CCNY: variants seen among roughly 807,000 people sequenced by gnomAD.
CCNY encodes cyclin Y.
A neutral mutation model predicts 42.8 loss-of-function variants in CCNY; 19 were observed. The ratio of observed to expected loss-of-function variants is 0.44; its 90% CI spans 0.31 to 0.65. The LOEUF is 0.65. CCNY is among the 30% of genes least tolerant of loss of function. The probability of loss-of-function intolerance (pLI) is 0.07; values close to 1 mark genes in which losing one functional copy is unlikely to be tolerated. For missense variants in CCNY, 370 were observed against 437.3 expected (o/e 0.85, Z 1.37); for synonymous variants, 165 against 162.7 (o/e 1.01, Z -0.11).
At chr10:35,282,114 C>CTTTTT (rs3066487) in intron 3 of CCNY, among the ~76,000 whole-genome samples, 3 of 87,882 alleles carry the variant, frequency 3.4e-5, no homozygotes, top group Non-Finnish European at 4.0e-5. Context: ...CATCTACACC[C>CTTTTT]TTTTTTTTTT....
chr10:35,545,163 T>A (rs1841086347), intron 7 of CCNY, among the ~76,000 whole-genome samples: 1 of 152,190 alleles, frequency 6.6e-6, no homozygotes, highest in South Asian at 2.1e-4. Flanking sequence ...CTGAGATTTT[T>A]AAAAGAAATC....
At chr10:35,557,112 A>T (rs897699798) in intron 8 of CCNY, among the ~76,000 whole-genome samples, 1 of 152,008 alleles carries the variant, frequency 6.6e-6, no homozygotes, top group Non-Finnish European at 1.5e-5. Context: ...TTAATTTGAA[A>T]ATTTTTATCC....
At chr10:35,299,629 T>G (rs1403320350) in intron 3 of CCNY, among the ~76,000 whole-genome samples, 1 of 152,216 alleles carries the variant, frequency 6.6e-6, no homozygotes, top group Admixed American at 6.5e-5. Context: ...TCCTTTTACT[T>G]TTAACATTCT....
At chr10:35,553,879 G>A (rs1188420756) in intron 8 of CCNY, among the ~76,000 whole-genome samples, 1 of 152,164 alleles carries the variant, frequency 6.6e-6, no homozygotes, top group Non-Finnish European at 1.5e-5. Flanking sequence ...TGTCTGGGGG[G>A]TCTCTAGGGA....
At chr10:35,447,866 A>T (rs908108098) in intron 1 of CCNY, among the ~76,000 whole-genome samples, 1 of 152,246 alleles carries the variant, frequency 6.6e-6, no homozygotes, top group African/African-American at 2.4e-5. Context: ...AAGGCATAAC[A>T]GGCAGGAAAA....
At chr10:35,247,875 C>CAAAAAAAAAAAAAA (rs56166117) in intron 1 of CCNY, among the ~76,000 whole-genome samples, 3 of 58,132 alleles carry the variant, frequency 5.2e-5, no homozygotes, top group African/African-American at 1.1e-4. Context: ...GACTCCATCT[C>CAAAAAAAAAAAAAA]AAAAAAAAAA....
At chr10:35,311,299 C>T (rs1331067788) in intron 3 of CCNY, among the ~76,000 whole-genome samples, 1 of 151,820 alleles carries the variant, frequency 6.6e-6, no homozygotes, top group Non-Finnish European at 1.5e-5. Flanking sequence ...GCCTGGGCCA[C>T]AGAGCAAGAC....
At chr10:35,255,114 TATGTCTAATAGACAG>T (rs1694660285) in intron 3 of CCNY, among the ~76,000 whole-genome samples, 1 of 62,776 alleles carries the variant, frequency 1.6e-5, no homozygotes. Flanking sequence ...TATAACTGTA[TATGTCTAATAGACAG>T]ACAGTTGGTT....
At chr10:35,302,010 C>T (rs1835542817) in intron 3 of CCNY, among the ~76,000 whole-genome samples, 1 of 151,822 alleles carries the variant, frequency 6.6e-6, no homozygotes, top group Non-Finnish European at 1.5e-5. Flanking sequence ...ATCGTCCAGG[C>T]TGGAGTGCAA....
intron 2 of CCNY, among the ~76,000 whole-genome samples, chr10:35,488,673 C>T (rs1292026823): frequency 6.6e-6 from 1 of 152,180 alleles, no homozygotes; most frequent in African/African-American, 2.4e-5. Context: ...AGCATTTTTA[C>T]GTTGACCTTA....
At chr10:35,514,526 A>C (rs1840390325) in intron 3 of CCNY, among the ~76,000 whole-genome samples, 1 of 152,138 alleles carries the variant, frequency 6.6e-6, no homozygotes, top group African/African-American at 2.4e-5. Context: ...CTGTCAACTC[A>C]CAAAGGTTAC....
Position 35,336,645 on chromosome 10 carries a change from C to T in CCNY, c.-409C>T, listed in dbSNP as rs1836036855. On this transcript the variant is annotated 5_prime_UTR_variant, in exon 1 of 10. Coordinates refer to ENST00000374704, the MANE Select transcript of CCNY (RefSeq NM_145012.6). ...CCCGGCTTGAACCGGAACCTCTTGC[C>T]GAGGCGGCCGCCGTCGCCGCAGCCG... Among the ~76,000 whole-genome samples, 1 of 146,342 alleles carries T rather than the reference C, an allele frequency of 6.8e-6. No individual in the cohort carries two copies.
chr10:35,479,872 A>G (rs879222947), intron 1 of CCNY, among the ~76,000 whole-genome samples: 2 of 152,132 alleles, frequency 1.3e-5, no homozygotes, highest in African/African-American at 4.8e-5. Context: ...TGACTCTGCA[A>G]TGAGGGGATC....
chr10:35,316,076 T>C (rs1835756360), intron 3 of CCNY, among the ~76,000 whole-genome samples: 1 of 152,234 alleles, frequency 6.6e-6, no homozygotes, highest in Non-Finnish European at 1.5e-5. Context: ...TTTTCTGTTA[T>C]AAAATCTTCT....
intron 1 of CCNY, among the ~76,000 whole-genome samples, chr10:35,420,021 A>G (rs1589109169): frequency 6.6e-6 from 1 of 150,692 alleles, no homozygotes; most frequent in East Asian, 1.9e-4. Flanking sequence ...CTACATGAAA[A>G]GTTTTGCTGA....
chr10:35,464,406 G>T (rs899481786), intron 1 of CCNY, among the ~76,000 whole-genome samples: 3 of 151,908 alleles, frequency 2.0e-5, no homozygotes, highest in Non-Finnish European at 4.4e-5. Flanking sequence ...TTTCACCAGC[G>T]TGCGGTCATA....
At chr10:35,388,867 C>T (rs1052398435) in intron 1 of CCNY, among the ~76,000 whole-genome samples, 3 of 152,174 alleles carry the variant, frequency 2.0e-5, no homozygotes, top group Admixed American at 6.5e-5. Context: ...AGGTTGCCTG[C>T]GTTCCTTGGC....
At chr10:35,468,522 T>TC (rs1340764703) in intron 1 of CCNY, among the ~76,000 whole-genome samples, 1 of 152,228 alleles carries the variant, frequency 6.6e-6, no homozygotes, top group African/African-American at 2.4e-5. Flanking sequence ...ATTTTGTTTT[T>TC]CACCACTGTG....
intron 2 of CCNY, among the ~76,000 whole-genome samples, chr10:35,487,277 G>A (rs1330326699): frequency 6.6e-6 from 1 of 152,140 alleles, no homozygotes; most frequent in Non-Finnish European, 1.5e-5. Flanking sequence ...TGAATCTGGT[G>A]ATTTCTCCTC....
Sources: gnomAD v4.1 joint callset for allele counts (sites outside exome capture counted in the v4.1 genomes callset) on GRCh38, gnomAD v4.1.1 for gene constraint, MANE v1.5 for transcripts, NCBI Gene and HGNC (gene_info 2026-07-23, HGNC 2026-07-21) for gene names.